Variants in EBF1 observed in about 807,000 individuals in gnomAD.
EBF1 encodes the protein EBF transcription factor 1, also known as transcription factor COE1.
A neutral mutation model predicts 68.4 loss-of-function variants in EBF1; 10 were observed. The observed-to-expected ratio is 0.15, with a 90% CI of 0.09 to 0.25. EBF1 has a LOEUF of 0.25. EBF1 is among the 10% of genes least tolerant of loss of function. EBF1 has a pLI of 1.00. For synonymous variants in EBF1, 298 were observed against 299.8 expected (o/e 0.99, Z 0.06); for missense variants, 509 against 794.4 (o/e 0.64, Z 4.32).
chr5:158,820,004 CA>C (rs1173427792), intron 8 of EBF1, among the ~76,000 whole-genome samples: 1 of 152,070 alleles, frequency 6.6e-6, no homozygotes. Flanking sequence ...GTCCATGGGT[CA>C]CATAAGAAAG....
At chr5:158,973,806 CTAG>C (rs141885844) in intron 6 of EBF1, among the ~76,000 whole-genome samples, 1 of 152,032 alleles carries the variant, frequency 6.6e-6, no homozygotes. Context: ...TCAATAATTC[CTAG>C]TAGTAGTAGT....
intron 6 of EBF1, among the ~76,000 whole-genome samples, chr5:158,848,527 G>A (rs1791980644): frequency 1.3e-5 from 2 of 152,166 alleles, no homozygotes; most frequent in African/African-American, 4.8e-5. Flanking sequence ...TCTGGTAACA[G>A]AACCAACCCA....
At chr5:158,788,264 T>A (rs932363913) in intron 9 of EBF1, among the ~76,000 whole-genome samples, 1 of 152,232 alleles carries the variant, frequency 6.6e-6, no homozygotes, top group South Asian at 2.1e-4. Flanking sequence ...AAATATTCTA[T>A]ACCTGGAGTC....
chr5:158,750,890 A>G (rs1374828256), intron 10 of EBF1, among the ~76,000 whole-genome samples: 6 of 152,280 alleles, frequency 3.9e-5, no homozygotes, highest in African/African-American at 1.4e-4. Context: ...TTGTATCATT[A>G]TACGAGTATA....
At chr5:159,029,992 A>G (rs554728853) in intron 6 of EBF1, among the ~76,000 whole-genome samples, 13 of 152,036 alleles carry the variant, frequency 8.6e-5, no homozygotes, top group Middle Eastern at 3.4e-3. Flanking sequence ...GAATATGTTC[A>G]TCAGTATTAT....
At chr5:158,828,914 A>C (rs1013174271) in intron 7 of EBF1, among the ~76,000 whole-genome samples, 3 of 152,192 alleles carry the variant, frequency 2.0e-5, no homozygotes, top group Non-Finnish European at 1.5e-5. Context: ...GCATATTACT[A>C]AATAAGAAAA....
chr5:158,950,408 A>G (rs1815709401), intron 6 of EBF1, among the ~76,000 whole-genome samples: 1 of 152,192 alleles, frequency 6.6e-6, no homozygotes, highest in Non-Finnish European at 1.5e-5. Flanking sequence ...CAGAGCTTCC[A>G]CTATAGCAGT....
chr5:158,889,440 CA>C (rs1800725004), intron 6 of EBF1, among the ~76,000 whole-genome samples: 1 of 152,092 alleles, frequency 6.6e-6, no homozygotes, highest in Non-Finnish European at 1.5e-5. Context: ...CAAGTCCTAG[CA>C]ATTCCTCTAC....
chr5:159,003,504 A>C (rs1010792825), intron 6 of EBF1, among the ~76,000 whole-genome samples: 3 of 152,126 alleles, frequency 2.0e-5, no homozygotes, highest in African/African-American at 7.2e-5. Context: ...TTGAAGATTT[A>C]ATCTGATTGT....
At chr5:159,003,072 T>G (rs895007195) in intron 6 of EBF1, among the ~76,000 whole-genome samples, 1 of 152,224 alleles carries the variant, frequency 6.6e-6, no homozygotes, top group African/African-American at 2.4e-5. Context: ...AAGATCTTGG[T>G]TCCATTTGCC....
intron 10 of EBF1, among the ~76,000 whole-genome samples, chr5:158,770,461 A>G (rs7709065): frequency 0.21 from 31,484 of 152,078 alleles, 3,746 homozygotes; most frequent in African/African-American, 0.32. Flanking sequence ...TCCACCTGTC[A>G]TTTCAGACAC....
chr5:158,969,892 GA>G lies in EBF1; in HGVS notation c.554+103503del, dbSNP rs371540560. 1.1e-3 allele frequency among the ~76,000 whole-genome samples: 106 copies of G among 99,058 alleles called. 2 individuals carry two copies. The highest frequency in any genetic ancestry group is 2.4e-3 in the African/African-American group (66 of 27,090). The allele number at this position is 99,058 out of a possible 152,430, so 65.0% of individuals were successfully genotyped here. A position where few individuals can be genotyped will look rare whatever the true frequency, so the allele number is the denominator to read the frequency against. Reference sequence around the variant, plus strand: ...AGAAAGAAAGAAAGAAAGAAAGAAAGAAAGAAAGAAAGAAAGAAAGAAAGAA... The same window carrying G: ...AGAAAGAAAGAAAGAAAGAAAGAAAGAAGAAAGAAAGAAAGAAAGAAAGAA... On this transcript the variant is annotated intron_variant, in intron 6 of 15. Transcript: ENST00000313708.
intron 10 of EBF1, among the ~76,000 whole-genome samples, chr5:158,733,090 C>CA (rs1360321996): frequency 6.6e-6 from 1 of 152,042 alleles, no homozygotes; most frequent in Non-Finnish European, 1.5e-5. Flanking sequence ...ATTCTTTAGG[C>CA]AGGGAAGCTG....
chr5:158,899,713 C>A (rs1802888293), intron 6 of EBF1, among the ~76,000 whole-genome samples: 1 of 152,106 alleles, frequency 6.6e-6, no homozygotes, highest in Admixed American at 6.6e-5. Context: ...AACTACACAG[C>A]CAAGCCTCTT....
intron 6 of EBF1, among the ~76,000 whole-genome samples, chr5:159,003,104 G>A (rs1013394999): frequency 3.3e-5 from 5 of 152,178 alleles, no homozygotes; most frequent in Admixed American, 6.5e-5. Flanking sequence ...GGTTATTGCT[G>A]CTGTGACTTT....
At chr5:158,942,783 T>C (rs1217155933) in intron 6 of EBF1, among the ~76,000 whole-genome samples, 1 of 150,596 alleles carries the variant, frequency 6.6e-6, no homozygotes, top group African/African-American at 2.5e-5. Flanking sequence ...GTTGGCGCCA[T>C]ACATCTCCAG....
intron 10 of EBF1, among the ~76,000 whole-genome samples, chr5:158,763,428 C>T (rs34155622): frequency 0.079 from 11,957 of 152,182 alleles, 526 homozygotes; most frequent in South Asian, 0.11. Context: ...CTTTAAATTG[C>T]GTAACTCCAC....
At chr5:158,818,844 C>T (rs1784249523) in intron 8 of EBF1, among the ~76,000 whole-genome samples, 2 of 151,610 alleles carry the variant, frequency 1.3e-5, no homozygotes, top group East Asian at 3.9e-4. Flanking sequence ...TGAACACTAA[C>T]ATGTTTATAT....
Position 158,718,781 on chromosome 5 carries a change from A to ATATCTCTATT in EBF1, c.1126-4609_1126-4600dup, listed in dbSNP as rs539125286. ...ACCTTCACTGATACCCCAGCTCCTA[A>ATATCTCTATT]TATCTCTATTTCCTCTGAAAAAGAG... On this transcript the variant is annotated intron_variant, in intron 11 of 15. Transcript: ENST00000313708. Among the ~76,000 whole-genome samples, 14 of 152,230 alleles carry ATATCTCTATT rather than the reference A, an allele frequency of 9.2e-5. No individual in the cohort carries two copies. The East Asian group carries it at 2.7e-3, about 29-fold the overall frequency.
Sources: allele counts gnomAD v4.1 joint callset (sites outside exome capture counted in the v4.1 genomes callset), GRCh38; gene constraint gnomAD v4.1.1; transcripts MANE v1.5; gene names NCBI Gene and HGNC (gene_info 2026-07-23, HGNC 2026-07-21).